ADAMTSL1: variants seen among roughly 807,000 people sequenced by gnomAD.
The protein encoded by ADAMTSL1 is ADAMTS like 1, also known as ADAMTS-like protein 1.
ADAMTSL1 carries 126 observed loss-of-function variants against 201.8 expected under a neutral mutation model. The observed-to-expected ratio is 0.62, with a 90% CI of 0.54 to 0.72. The LOEUF is 0.72. Ranked by LOEUF, ADAMTSL1 falls within the 30% of genes least tolerant of loss-of-function variation. The pLI, the probability that ADAMTSL1 is intolerant of heterozygous loss-of-function variation, is 0.00. For synonymous variants in ADAMTSL1, 1,121 were observed against 903.4 expected (o/e 1.24, Z -4.32); for missense variants, 2,679 against 2,277.8 (o/e 1.18, Z -3.59).
intron 4 of ADAMTSL1, among the ~76,000 whole-genome samples, chr9:18,584,434 G>A (rs1299374353): frequency 3.3e-5 from 5 of 151,978 alleles, no homozygotes; most frequent in Non-Finnish European, 5.9e-5. Flanking sequence ...CTCAGTCTCA[G>A]GTATGTCTTT....
intron 9 of ADAMTSL1, among the ~76,000 whole-genome samples, chr9:18,671,178 T>C (rs1829786932): frequency 6.6e-6 from 1 of 152,110 alleles, no homozygotes; most frequent in Non-Finnish European, 1.5e-5. Context: ...AAAGGGCCAA[T>C]AGTACACAGT....
At chr9:18,727,889 G>T (rs1040975297) in intron 15 of ADAMTSL1, among the ~76,000 whole-genome samples, 4 of 152,034 alleles carry the variant, frequency 2.6e-5, no homozygotes, top group African/African-American at 9.7e-5. Flanking sequence ...AGACCAGCCT[G>T]GCCAACGTGG....
At chr9:18,242,551 A>G (rs1156518121) in intron 2 of ADAMTSL1, among the ~76,000 whole-genome samples, 2 of 152,140 alleles carry the variant, frequency 1.3e-5, no homozygotes, top group Non-Finnish European at 2.9e-5. Flanking sequence ...CATTCAAGTA[A>G]GAAAGGAAGA....
At chr9:18,780,235 T>G (rs1821312007) in intron 19 of ADAMTSL1, among the ~76,000 whole-genome samples, 1 of 152,188 alleles carries the variant, frequency 6.6e-6, no homozygotes, top group Non-Finnish European at 1.5e-5. Context: ...GGCCCTGCAC[T>G]TTTCACGGTC....
chr9:18,869,010 T>C (rs534493505), intron 23 of ADAMTSL1, among the ~76,000 whole-genome samples: 36 of 152,346 alleles, frequency 2.4e-4, no homozygotes, highest in Middle Eastern at 6.8e-3. Flanking sequence ...ATATGGACCC[T>C]AATCCAACAT....
At chr9:18,538,933 C>G (rs915142219) in intron 3 of ADAMTSL1, among the ~76,000 whole-genome samples, 4 of 152,140 alleles carry the variant, frequency 2.6e-5, no homozygotes, top group Non-Finnish European at 4.4e-5. Context: ...AAACAACATT[C>G]AGACCAGAGA....
In ADAMTSL1 at chr9:18,838,668, AT is replaced by A. The variant is rs5896815; in HGVS notation, c.4249+8698del. 4.5e-3 allele frequency among the ~76,000 whole-genome samples: 685 copies of A among 151,702 alleles called. 11 individuals are homozygous for A. The highest frequency in any genetic ancestry group is 0.015 in the African/African-American group (635 of 41,350). The stretch of plus-strand genomic sequence containing the variant: ...ACAGCAAGACCTTATCACTACAAAA[AT>A]TTTTTTAAAATATAACTAGGCATGG... On this transcript the variant is annotated intron_variant, in intron 23 of 28. Coordinates refer to ENST00000380548, the MANE Select transcript of ADAMTSL1 (RefSeq NM_001040272.6).
intron 2 of ADAMTSL1, among the ~76,000 whole-genome samples, chr9:18,218,737 C>T (rs534495542): frequency 4.6e-4 from 70 of 151,794 alleles, no homozygotes; most frequent in Middle Eastern, 3.5e-3. Context: ...GTTTTTGGAG[C>T]CTCTTCTTAT....
chr9:18,825,093 G>A (rs1824463639), intron 21 of ADAMTSL1, among the ~76,000 whole-genome samples: 1 of 151,942 alleles, frequency 6.6e-6, no homozygotes, highest in Admixed American at 6.6e-5. Context: ...GTAGGGGAGG[G>A]TGCTTTCTGC....
At chr9:18,191,959 C>T (rs1312156079) in intron 2 of ADAMTSL1, among the ~76,000 whole-genome samples, 3 of 152,046 alleles carry the variant, frequency 2.0e-5, no homozygotes, top group Admixed American at 6.6e-5. Flanking sequence ...GTGTAACTGG[C>T]CCTCTGATAA....
intron 21 of ADAMTSL1, among the ~76,000 whole-genome samples, chr9:18,824,515 G>A (rs887870343): frequency 5.3e-5 from 8 of 152,076 alleles, no homozygotes; most frequent in Non-Finnish European, 8.8e-5. Flanking sequence ...CAGATACACA[G>A]GCAACTCTTT....
intron 2 of ADAMTSL1, among the ~76,000 whole-genome samples, chr9:18,340,214 T>G: frequency 6.6e-6 from 1 of 152,186 alleles, no homozygotes; most frequent in East Asian, 1.9e-4. Flanking sequence ...GCAGGTATCT[T>G]TTTCTTCACC....
At chr9:18,206,394 C>T (rs1490057364) in intron 2 of ADAMTSL1, among the ~76,000 whole-genome samples, 1 of 152,058 alleles carries the variant, frequency 6.6e-6, no homozygotes, top group African/African-American at 2.4e-5. Flanking sequence ...CCTGCGTTGC[C>T]CTCTCCCTAT....
intron 21 of ADAMTSL1, among the ~76,000 whole-genome samples, chr9:18,818,067 A>G (rs189182645): frequency 3.0e-4 from 45 of 152,310 alleles, no homozygotes; most frequent in African/African-American, 1.0e-3. Flanking sequence ...TAAAAGACAG[A>G]AAACACCTAC....
intron 14 of ADAMTSL1, among the ~76,000 whole-genome samples, chr9:18,711,074 C>G (rs1369237174): frequency 6.6e-6 from 1 of 152,162 alleles, no homozygotes; most frequent in African/African-American, 2.4e-5. Flanking sequence ...CAGTGATGAT[C>G]TACAGCTGCA....
intron 21 of ADAMTSL1, among the ~76,000 whole-genome samples, chr9:18,817,557 A>C (rs1823940882): frequency 6.6e-6 from 1 of 152,190 alleles, no homozygotes. Flanking sequence ...AGAGTGATAA[A>C]TTCATGGAAG....
chr9:18,421,155 C>T (rs1818927918), intron 2 of ADAMTSL1, among the ~76,000 whole-genome samples: 1 of 152,168 alleles, frequency 6.6e-6, no homozygotes, highest in African/African-American at 2.4e-5. Flanking sequence ...ACCTTCCTCT[C>T]CTGTTCCCAA....
chr9:18,905,207 G>T (rs745609546), intron 26 of ADAMTSL1, among the ~76,000 whole-genome samples: 10 of 152,154 alleles, frequency 6.6e-5, no homozygotes, highest in Non-Finnish European at 1.5e-4. Context: ...CTGTGACAGG[G>T]TCAGGCTCCA....
Position 18,343,435 on chromosome 9 carries a change from C to G in ADAMTSL1, c.208-161394C>G, listed in dbSNP as rs141414034. On this transcript the variant is annotated intron_variant, in intron 2 of 29. Transcript: ENST00000680146. ...CACCAGTGATCAATGAAGTGAGTATCAGTTACAAGCACAAGTCCAGCAGGA... is the reference window on the plus strand; with the variant it reads ...CACCAGTGATCAATGAAGTGAGTATGAGTTACAAGCACAAGTCCAGCAGGA... Among the ~76,000 whole-genome samples the G allele has an allele frequency of 2.6e-5, 4 of 152,140 alleles. No individual in the cohort carries two copies. In the South Asian group the frequency reaches 8.3e-4, roughly 32 times the overall value.
Sources: allele counts gnomAD v4.1 joint callset (sites outside exome capture counted in the v4.1 genomes callset), GRCh38; gene constraint gnomAD v4.1.1; transcripts MANE v1.5; gene names NCBI Gene and HGNC (gene_info 2026-07-23, HGNC 2026-07-21).